ABTB2: variants seen among roughly 807,000 people sequenced by gnomAD.
ABTB2 encodes ankyrin repeat and BTB domain containing 2.
ABTB2 carries 56 observed loss-of-function variants against 104.1 expected under a neutral mutation model. The observed-to-expected ratio is 0.54, with a 90% confidence interval of 0.43 to 0.67. The LOEUF (loss-of-function observed/expected upper bound fraction) is 0.67. Ranked by LOEUF, ABTB2 falls within the 30% of genes least tolerant of loss-of-function variation. The pLI, the probability that ABTB2 is intolerant of heterozygous loss-of-function variation, is 0.00. For missense variants in ABTB2, 1,279 were observed against 1,407.7 expected, an observed-to-expected ratio of 0.91 and a Z score of 1.46; for synonymous variants, 606 against 608.2, an observed-to-expected ratio of 1.00 and a Z score of 0.05.
chr11:34,338,300 G>C (rs1047471631), intron 1 of ABTB2, among the ~76,000 whole-genome samples: 1 of 151,816 alleles, frequency 6.6e-6, no homozygotes, highest in Non-Finnish European at 1.5e-5. Context: ...AGAATTGCTT[G>C]AACTCAGGAG....
intron 1 of ABTB2, among the ~76,000 whole-genome samples, chr11:34,263,832 C>T (rs547777657): frequency 6.1e-4 from 93 of 152,312 alleles, no homozygotes; most frequent in Admixed American, 1.2e-3. Context: ...ATGCGCAAGA[C>T]ACTGTCCTCA....
chr11:34,188,905 G>A (rs1202925251), intron 3 of ABTB2, among the ~76,000 whole-genome samples: 1 of 152,176 alleles, frequency 6.6e-6, no homozygotes, highest in Admixed American at 6.5e-5. Flanking sequence ...GCCTTGATGT[G>A]GTACCTCACT....
At chr11:34,182,497 TGGGG>T (rs1157886289) in intron 3 of ABTB2, among the ~76,000 whole-genome samples, 4 of 69,942 alleles carry the variant, frequency 5.7e-5, no homozygotes, top group African/African-American at 8.6e-5. Context: ...TTGGGTTCTC[TGGGG>T]GGGGGGGGAA....
chr11:34,160,769 A>G (rs1852705651), intron 11 of ABTB2, 134 bp downstream of exon 11: 2 of 891,032 alleles, frequency 2.2e-6, no homozygotes, highest in Non-Finnish European at 3.3e-6. Flanking sequence ...TGCTGAGGGC[A>G]GGCGTGTGAG....
intron 1 of ABTB2, among the ~76,000 whole-genome samples, chr11:34,284,386 A>G (rs1854480721): frequency 6.6e-6 from 1 of 152,244 alleles, no homozygotes; most frequent in African/African-American, 2.4e-5. Flanking sequence ...CAGAGTGACC[A>G]GAAGGATTGG....
intron 1 of ABTB2, among the ~76,000 whole-genome samples, chr11:34,273,811 G>C (rs1854348897): frequency 2.0e-5 from 3 of 152,156 alleles, no homozygotes; most frequent in Non-Finnish European, 4.4e-5. Flanking sequence ...AAGCAGGCTG[G>C]AGGGAAGGAA....
chr11:34,203,936 A>G (rs920852697), intron 2 of ABTB2, among the ~76,000 whole-genome samples: 2 of 152,110 alleles, frequency 1.3e-5, no homozygotes, highest in African/African-American at 4.8e-5. Context: ...CAAATGGGTA[A>G]TGAGAGGGGG....
chr11:34,281,027 T>C (rs1854442636), intron 1 of ABTB2, among the ~76,000 whole-genome samples: 1 of 152,084 alleles, frequency 6.6e-6, no homozygotes, highest in Non-Finnish European at 1.5e-5. Flanking sequence ...ATGAAAGTGG[T>C]CATAGTTGCC....
chr11:34,248,096 TAAAAAAA>T lies in ABTB2; in HGVS notation c.884-43413_884-43407del, dbSNP rs1157412906. Reference sequence around the variant, plus strand: ...CAATTTACTTATCTATAATTTTTCTTAAAAAAAAAAAAAAAAAAAAAAAAAACAGGGT... The same window carrying T: ...CAATTTACTTATCTATAATTTTTCTTAAAAAAAAAAAAAAAAAAACAGGGT... On this transcript the variant is annotated intron_variant, in intron 1 of 16. Coordinates refer to ENST00000435224, the MANE Select transcript of ABTB2 (RefSeq NM_145804.3). 9.5e-5 allele frequency among the ~76,000 whole-genome samples: 11 copies of T among 116,230 alleles called. 1 individual carries two copies. The highest frequency in any genetic ancestry group is 1.8e-4 in the Non-Finnish European group (10 of 54,956). 76.3% of individuals were successfully genotyped at this position (116,230 alleles called of 152,430 possible).
intron 1 of ABTB2, among the ~76,000 whole-genome samples, chr11:34,332,072 A>G (rs1331508474): frequency 6.6e-6 from 1 of 152,232 alleles, no homozygotes; most frequent in Non-Finnish European, 1.5e-5. Context: ...TGGTCTTCCC[A>G]GTATAGTATG....
intron 1 of ABTB2, among the ~76,000 whole-genome samples, chr11:34,313,501 C>T (rs1025270462): frequency 2.6e-5 from 4 of 152,258 alleles, no homozygotes; most frequent in African/African-American, 9.6e-5. Context: ...GGGGCCCAGG[C>T]TCCCCGGAGA....
chr11:34,239,857 G>A (rs979633145), intron 1 of ABTB2, among the ~76,000 whole-genome samples: 2 of 152,128 alleles, frequency 1.3e-5, no homozygotes, highest in Non-Finnish European at 2.9e-5. Context: ...ACCCACTCCT[G>A]GCAGGAAGAC....
intron 3 of ABTB2, among the ~76,000 whole-genome samples, chr11:34,188,383 A>C (rs1853130021): frequency 1.3e-5 from 2 of 152,194 alleles, no homozygotes. Flanking sequence ...AGACATGAGC[A>C]AGGTGACTTC....
At chr11:34,321,277 C>T (rs748335551) in intron 1 of ABTB2, among the ~76,000 whole-genome samples, 3 of 152,152 alleles carry the variant, frequency 2.0e-5, no homozygotes, top group Non-Finnish European at 4.4e-5. Context: ...TCCACAGAAG[C>T]CAAAGCTTCT....
intron 1 of ABTB2, among the ~76,000 whole-genome samples, chr11:34,253,017 C>G (rs1339706687): frequency 6.6e-6 from 1 of 152,174 alleles, no homozygotes; most frequent in Non-Finnish European, 1.5e-5. Context: ...TCCAGCAAAT[C>G]CCCATCTCCA....
intron 1 of ABTB2, among the ~76,000 whole-genome samples, chr11:34,205,770 C>T (rs2133041330): frequency 6.6e-6 from 1 of 152,302 alleles, no homozygotes; most frequent in South Asian, 2.1e-4. Context: ...GCAACAGGTA[C>T]AGCAGACAGG....
chr11:34,298,914 C>G (rs1398942389), intron 1 of ABTB2, among the ~76,000 whole-genome samples: 1 of 152,196 alleles, frequency 6.6e-6, no homozygotes, highest in Non-Finnish European at 1.5e-5. Context: ...TATCTAATTT[C>G]ATTCTTGGTA....
rs188603039 is a variant in ABTB2 at position 34,152,217 on chromosome 11, C to G, written c.*170G>C. On this transcript the variant is annotated 3_prime_UTR_variant, in exon 17 of 17. Transcript: ENST00000435224. The stretch of plus-strand genomic sequence containing the variant: ...CCCATCAGTGATTGAACAAACAGCT[C>G]TAGGGCAGAGGAGATGAGGGTGAGC... 8.5e-6 allele frequency: 6 copies of G among 707,378 alleles called. No homozygotes were observed. In the African/African-American group the frequency reaches 1.1e-4, roughly 13 times the overall value. The allele number at this position is 707,378 out of a possible 1,614,324, so 43.8% of individuals were successfully genotyped here.
At chr11:34,302,752 A>AG (rs1406064003) in intron 1 of ABTB2, among the ~76,000 whole-genome samples, 3 of 152,172 alleles carry the variant, frequency 2.0e-5, no homozygotes, top group Non-Finnish European at 4.4e-5. Context: ...AGCGCTTGCG[A>AG]GGGGTAGTAG....
Sources: allele counts gnomAD v4.1 joint callset (sites outside exome capture counted in the v4.1 genomes callset), GRCh38; gene constraint gnomAD v4.1.1; transcripts MANE v1.5; gene names NCBI Gene and HGNC (gene_info 2026-07-23, HGNC 2026-07-21).